ZBTB7C: variants seen among roughly 807,000 people sequenced by gnomAD.
ZBTB7C encodes zinc finger and BTB domain-containing protein 7C.
ZBTB7C carries 8 observed loss-of-function variants against 25.7 expected under a neutral mutation model. That is an observed-to-expected ratio of 0.31 (90% CI 0.18 to 0.56). The LOEUF (loss-of-function observed/expected upper bound fraction) is 0.56, where lower values mean the gene tolerates loss of function less well. Among genes scored for constraint, ZBTB7C ranks in the 20% least tolerant of loss-of-function variants. The pLI, the probability that ZBTB7C is intolerant of heterozygous loss-of-function variation, is 0.91. For missense variants in ZBTB7C, 824 were observed against 855.2 expected (o/e 0.96, Z 0.46); for synonymous variants, 394 against 369.0 (o/e 1.07, Z -0.78).
chr18:48,316,756 G>A (rs972251729), intron 2 of ZBTB7C, among the ~76,000 whole-genome samples: 12 of 152,206 alleles, frequency 7.9e-5, no homozygotes, highest in African/African-American at 2.9e-4. Flanking sequence ...AGAACTGTGA[G>A]CCAAATAAGC....
intron 2 of ZBTB7C, among the ~76,000 whole-genome samples, chr18:48,309,386 G>A (rs897816832): frequency 6.6e-6 from 1 of 152,202 alleles, no homozygotes; most frequent in African/African-American, 2.4e-5. Flanking sequence ...TGCCCTAAGG[G>A]TTGTCACTTA....
At chr18:48,228,743 T>TCACACACACACACA (rs34427342) in intron 2 of ZBTB7C, among the ~76,000 whole-genome samples, 105 of 135,924 alleles carry the variant, frequency 7.7e-4, no homozygotes, top group African/African-American at 9.3e-4. Flanking sequence ...TCTCTCTCTC[T>TCACACACACACACA]CTCTCACACA....
In ZBTB7C at chr18:48,187,011, G is replaced by A. The variant is rs138236710; in HGVS notation, c.-78-1016C>T. 3.9e-5 allele frequency among the ~76,000 whole-genome samples: 6 copies of A among 152,272 alleles called. No homozygotes were observed. The East Asian group carries it at 5.8e-4, about 15-fold the overall frequency. On this transcript the variant is annotated intron_variant, in intron 2 of 4. Coordinates refer to ENST00000590800, the MANE Select transcript of ZBTB7C (RefSeq NM_001318841.2). ...AAGCGCAGACTGAGCAGCCTAGCTCGGAATGGGGAAAAGGGGTGGGTGCGA... is the reference window on the plus strand; with the variant it reads ...AAGCGCAGACTGAGCAGCCTAGCTCAGAATGGGGAAAAGGGGTGGGTGCGA...
rs558019611 is a variant in ZBTB7C, at chr18:48,279,422, C to T, written c.-79+58752G>A. On this transcript the variant is annotated intron_variant, in intron 2 of 4. Coordinates refer to ENST00000590800, the MANE Select transcript of ZBTB7C (RefSeq NM_001318841.2). ...AAAGCTTCAGGCAAGTCTGGCATCC[C>T]CTCACATTTGGCTTTAGGCAGATCC... Among the ~76,000 whole-genome samples the T allele has an allele frequency of 2.4e-4, 36 of 152,314 alleles. No homozygotes were observed. In the South Asian group the frequency reaches 7.3e-3, roughly 31 times the overall value.
At chr18:48,215,377 T>C (rs576552784) in intron 2 of ZBTB7C, among the ~76,000 whole-genome samples, 4 of 152,146 alleles carry the variant, frequency 2.6e-5, no homozygotes, top group Non-Finnish European at 5.9e-5. Flanking sequence ...CCTGGGAACA[T>C]GTGGCCAAGG....
At chr18:48,142,501 G>T (rs2040378535) in intron 3 of ZBTB7C, among the ~76,000 whole-genome samples, 1 of 152,228 alleles carries the variant, frequency 6.6e-6, no homozygotes, top group Admixed American at 6.5e-5. Context: ...ACAGTAGGCT[G>T]TGCGGGGTCC....
At chr18:48,354,996 C>T (rs189067473) in intron 1 of ZBTB7C, among the ~76,000 whole-genome samples, 1 of 152,306 alleles carries the variant, frequency 6.6e-6, no homozygotes, top group Non-Finnish European at 1.5e-5. Context: ...CTCTCTGACC[C>T]TACATGGTGG....
intron 1 of ZBTB7C, among the ~76,000 whole-genome samples, chr18:48,367,373 A>ATATATATATATATATAT (rs757386700): frequency 5.7e-4 from 55 of 96,408 alleles, no homozygotes; most frequent in African/African-American, 1.3e-3. Flanking sequence ...TATATATATA[A>ATATATATATATATATAT]AATACAAACA....
intron 3 of ZBTB7C, among the ~76,000 whole-genome samples, chr18:48,155,670 A>G (rs922547345): frequency 9.9e-5 from 15 of 151,942 alleles, no homozygotes; most frequent in Non-Finnish European, 5.9e-5. Context: ...ATAGGGTTTT[A>G]TTTCTTTGAA....
At chr18:48,369,580 A>G (rs191211316) in intron 1 of ZBTB7C, among the ~76,000 whole-genome samples, 1 of 152,286 alleles carries the variant, frequency 6.6e-6, no homozygotes, top group African/African-American at 2.4e-5. Flanking sequence ...CAAACATTAA[A>G]AGAAAATAGA....
At chr18:48,047,073 G>T (rs1218335997) in intron 3 of ZBTB7C, among the ~76,000 whole-genome samples, 2 of 152,308 alleles carry the variant, frequency 1.3e-5, no homozygotes, top group Admixed American at 6.5e-5. Context: ...CTCAGTGGCA[G>T]GGATTGGGAG....
intron 2 of ZBTB7C, among the ~76,000 whole-genome samples, chr18:48,245,354 A>T (rs2043655128): frequency 6.6e-6 from 1 of 151,590 alleles, no homozygotes; most frequent in Non-Finnish European, 1.5e-5. Context: ...ATAAAAGACT[A>T]CACATTGGGT....
At chr18:48,036,299 G>T (rs993345448) in intron 4 of ZBTB7C, among the ~76,000 whole-genome samples, 1 of 152,212 alleles carries the variant, frequency 6.6e-6, no homozygotes. Flanking sequence ...GGGGTGAAGG[G>T]GCTCTGCTGG....
chr18:48,344,048 G>T (rs574501609), intron 1 of ZBTB7C, among the ~76,000 whole-genome samples: 1 of 152,132 alleles, frequency 6.6e-6, no homozygotes, highest in Non-Finnish European at 1.5e-5. Flanking sequence ...GCAGTGGCAC[G>T]ATCTCGGCTC....
At chr18:48,152,667 T>C (rs2040714840) in intron 3 of ZBTB7C, among the ~76,000 whole-genome samples, 1 of 152,186 alleles carries the variant, frequency 6.6e-6, no homozygotes, top group African/African-American at 2.4e-5. Flanking sequence ...CCACAGATGA[T>C]CAGAGGCAAA....
intron 2 of ZBTB7C, among the ~76,000 whole-genome samples, chr18:48,260,817 G>T (rs1188303619): frequency 6.6e-6 from 1 of 152,208 alleles, no homozygotes; most frequent in African/African-American, 2.4e-5. Context: ...AGCAAAGCCT[G>T]CCCTAGGCCT....
At chr18:48,091,228 T>C (rs1052303942) in intron 3 of ZBTB7C, among the ~76,000 whole-genome samples, 1 of 145,104 alleles carries the variant, frequency 6.9e-6, no homozygotes, top group East Asian at 2.1e-4. Flanking sequence ...TGTGCCACTA[T>C]GCCCGGATAA....
chr18:48,221,464 CTAGTCTCCCTCTATACTGTCCCT>C (rs1186580323), intron 2 of ZBTB7C, among the ~76,000 whole-genome samples: 2 of 148,194 alleles, frequency 1.3e-5, no homozygotes, highest in East Asian at 4.0e-4. Context: ...CTACACTGTC[CTAGTCTCCCTCTATACTGTCCCT>C]TAGTCTCCCT....
intron 3 of ZBTB7C, chr18:48,150,455 T>A (rs1156476822): frequency 1.3e-5 from 2 of 151,728 alleles, no homozygotes; most frequent in Admixed American, 1.3e-4. Flanking sequence ...TGTGGCATGC[T>A]CCTGTAATCC....
Sources: allele counts gnomAD v4.1 joint callset (sites outside exome capture counted in the v4.1 genomes callset), GRCh38; gene constraint gnomAD v4.1.1; transcripts MANE v1.5; gene names NCBI Gene and HGNC (gene_info 2026-07-23, HGNC 2026-07-21).